Variants in SYK observed in about 807,000 individuals in gnomAD.
The protein encoded by SYK is tyrosine-protein kinase SYK.
SYK carries 16 observed loss-of-function variants against 77.8 expected under a neutral mutation model. The ratio of observed to expected loss-of-function variants is 0.21; its 90% CI spans 0.14 to 0.31. The LOEUF (loss-of-function observed/expected upper bound fraction) is 0.31, where lower values mean the gene tolerates loss of function less well. Among genes scored for constraint, SYK ranks in the 10% least tolerant of loss-of-function variants. SYK has a pLI of 1.00. For synonymous variants in SYK, 312 were observed against 308.7 expected, an observed-to-expected ratio of 1.01 and a Z score of -0.11; for missense variants, 529 against 814.4, an observed-to-expected ratio of 0.65 and a Z score of 4.26.
chr9:90,862,284 C>A lies in SYK; in HGVS notation c.657C>A (p.Asp219Glu). The A allele has an allele frequency of 6.2e-7, 1 of 1,614,192 alleles. No homozygotes were observed. The highest frequency in any genetic ancestry group is 8.5e-7 in the Non-Finnish European group (1 of 1,180,006). Reference protein sequence around the residue: ...HEGKVLHYRIDKDKTGKLSIP... With the variant: ...HEGKVLHYRIEKDKTGKLSIP... ...GGAAGGTGCTGCACTATCGCATCGA[C>A]AAAGACAAGACAGGGAAGCTCTCCA... Residue 219 changes from aspartate to glutamate, a missense_variant, in exon 4 of 14, where the codon GAC becomes GAA. Transcript: ENST00000375754.
At chr9:90,835,860 C>T (rs1023422762) in intron 1 of SYK, among the ~76,000 whole-genome samples, 7 of 152,140 alleles carry the variant, frequency 4.6e-5, no homozygotes, top group African/African-American at 4.8e-5. Flanking sequence ...ACAATTTTGA[C>T]CCTTGAACGT....
chr9:90,873,630 G>A (rs1254549874), intron 7 of SYK, among the ~76,000 whole-genome samples: 2 of 152,132 alleles, frequency 1.3e-5, no homozygotes, highest in Non-Finnish European at 2.9e-5. Context: ...CTTCCCTTGG[G>A]ACCTGTAGTT....
chr9:90,885,491 G>T (rs1259236393), intron 11 of SYK, among the ~76,000 whole-genome samples: 1 of 152,068 alleles, frequency 6.6e-6, no homozygotes, highest in Non-Finnish European at 1.5e-5. Flanking sequence ...AAAATAAAGA[G>T]AAAAGAATAA....
At chr9:90,858,186 A>G (rs771245592) in intron 3 of SYK, among the ~76,000 whole-genome samples, 2 of 152,208 alleles carry the variant, frequency 1.3e-5, no homozygotes, top group Non-Finnish European at 2.9e-5. Flanking sequence ...ATGCCCCAGC[A>G]GAGTCAACAT....
At chr9:90,835,279 A>T (rs1411481630) in intron 1 of SYK, among the ~76,000 whole-genome samples, 1 of 152,198 alleles carries the variant, frequency 6.6e-6, no homozygotes. Context: ...TTGAAAAGGG[A>T]AGCTGTTCAT....
At chr9:90,886,585 A>C (rs1828587805) in intron 11 of SYK, among the ~76,000 whole-genome samples, 1 of 152,178 alleles carries the variant, frequency 6.6e-6, no homozygotes, top group East Asian at 1.9e-4. Context: ...GGTGCCTGTC[A>C]TCCCAGCTAC....
In SYK at chr9:90,896,281, G is replaced by A. The variant is rs750899667; in HGVS notation, c.*681G>A. On this transcript the variant is annotated 3_prime_UTR_variant, in exon 14 of 14. Transcript: ENST00000375754. ...AGACTTACATGTTTGTGATAAAAGG[G>A]GACCATGAGAATGAATTGGCTTGGC... is the stretch of plus-strand genomic sequence containing the variant. The A allele has an allele frequency of 8.6e-6, 2 of 233,248 alleles. No homozygotes were observed. The highest frequency in any genetic ancestry group is 6.0e-5 in the East Asian group (1 of 16,592). 14.4% of individuals were successfully genotyped at this position (233,248 alleles called of 1,614,324 possible). A position where few individuals can be genotyped will look rare whatever the true frequency, so the allele number is the denominator to read the frequency against.
At chr9:90,871,281 G>A (rs7873304) in intron 7 of SYK, among the ~76,000 whole-genome samples, 11,091 of 152,260 alleles carry the variant, frequency 0.073, 435 homozygotes, top group East Asian at 0.12. Context: ...GAAGAAAGTG[G>A]AATGGTCAAC....
chr9:90,815,727 T>C (rs1356964236), intron 1 of SYK, among the ~76,000 whole-genome samples: 1 of 152,264 alleles, frequency 6.6e-6, no homozygotes. Flanking sequence ...GAATGATGCT[T>C]TTCATGTGAC....
intron 7 of SYK, 137 bp from the exon 8 acceptor site, chr9:90,874,067 T>C (rs780180371): frequency 4.1e-6 from 3 of 730,280 alleles, no homozygotes; most frequent in South Asian, 1.8e-5. Context: ...TTTTCTTCCC[T>C]GTTTTTCGTA....
chr9:90,886,516 T>G (rs1828585417), intron 11 of SYK, among the ~76,000 whole-genome samples: 1 of 152,078 alleles, frequency 6.6e-6, no homozygotes, highest in Admixed American at 6.6e-5. Context: ...CCATCCTGGC[T>G]AACACGGTGA....
chr9:90,858,265 G>A (rs963036967), intron 3 of SYK, among the ~76,000 whole-genome samples: 13 of 152,296 alleles, frequency 8.5e-5, no homozygotes, highest in Admixed American at 3.3e-4. Flanking sequence ...GGCCAAGGCT[G>A]CCTACCCTGG....
chr9:90,893,897 C>T (rs1828887941), intron 13 of SYK, among the ~76,000 whole-genome samples: 1 of 152,158 alleles, frequency 6.6e-6, no homozygotes, highest in Admixed American at 6.5e-5. Context: ...AGTGGCAGGC[C>T]AGGGCAGGCC....
chr9:90,879,302 C>T (rs898974452), intron 11 of SYK, among the ~76,000 whole-genome samples: 1 of 152,152 alleles, frequency 6.6e-6, no homozygotes, highest in Non-Finnish European at 1.5e-5. Context: ...AGGATTTCCC[C>T]GAAGCCCTTT....
intron 7 of SYK, among the ~76,000 whole-genome samples, chr9:90,869,272 T>C (rs571895640): frequency 6.6e-6 from 1 of 151,674 alleles, no homozygotes; most frequent in Non-Finnish European, 1.5e-5. Flanking sequence ...AAAATACCTT[T>C]CTGGCAAAAA....
chr9:90,856,297 T>G (rs968492530), intron 3 of SYK, among the ~76,000 whole-genome samples: 1 of 152,228 alleles, frequency 6.6e-6, no homozygotes, highest in African/African-American at 2.4e-5. Flanking sequence ...ATCCATGAAT[T>G]CTTTTCTTTC....
chr9:90,884,615 A>C lies in SYK; in HGVS notation c.1582-3134A>C, dbSNP rs201790818. 9.1e-4 allele frequency among the ~76,000 whole-genome samples: 20 copies of C among 22,036 alleles called. 8 individuals carry two copies. Among genetic ancestry groups the C allele is most frequent in the Non-Finnish European group, 1.3e-3 (18 of 13,968 alleles). 14.5% of individuals were successfully genotyped at this position (22,036 alleles called of 152,430 possible). ...TATGTGTACATGTACATATATACAC[A>C]TATACACATATGTGTACATGTACAT... is the stretch of plus-strand genomic sequence containing the variant. On this transcript the variant is annotated intron_variant, in intron 11 of 13. Transcript: ENST00000375754.
intron 3 of SYK, among the ~76,000 whole-genome samples, chr9:90,853,448 A>G (rs1483041988): frequency 6.6e-6 from 1 of 151,940 alleles, no homozygotes; most frequent in Non-Finnish European, 1.5e-5. Context: ...ACTATTCACA[A>G]TAGCAAAGAC....
intron 1 of SYK, among the ~76,000 whole-genome samples, chr9:90,828,390 C>G (rs1825753063): frequency 6.6e-6 from 1 of 152,144 alleles, no homozygotes; most frequent in South Asian, 2.1e-4. Flanking sequence ...TAAGATCTAT[C>G]AGGCATATTC....
Sources: allele counts gnomAD v4.1 joint callset (sites outside exome capture counted in the v4.1 genomes callset), GRCh38; gene constraint gnomAD v4.1.1; transcripts MANE v1.5; gene names NCBI Gene and HGNC (gene_info 2026-07-23, HGNC 2026-07-21).